The following ROCK1 variants were observed in gnomAD, a reference collection of about 807,000 sequenced individuals.
ROCK1 encodes Rho associated coiled-coil containing protein kinase 1, also known as rho-associated protein kinase 1.
A neutral mutation model predicts 196.8 loss-of-function variants in ROCK1; 36 were observed. That is an observed-to-expected ratio of 0.18 (90% CI 0.14 to 0.24). ROCK1 has a LOEUF of 0.24. ROCK1 is among the 10% of genes least tolerant of loss of function. ROCK1 has a pLI of 1.00. For synonymous variants in ROCK1, 443 were observed against 515.9 expected, an observed-to-expected ratio of 0.86 and a Z score of 1.91; for missense variants, 920 against 1,562.0, an observed-to-expected ratio of 0.59 and a Z score of 6.93.
At chr18:20,996,050 T>G (rs1270910070) in intron 16 of ROCK1, among the ~76,000 whole-genome samples, 1 of 151,912 alleles carries the variant, frequency 6.6e-6, no homozygotes, top group Non-Finnish European at 1.5e-5. Context: ...GAAAACATAA[T>G]CTCACCAAAG....
chr18:21,061,545 G>A (rs146670133), intron 2 of ROCK1, among the ~76,000 whole-genome samples: 4 of 152,328 alleles, frequency 2.6e-5, no homozygotes, highest in African/African-American at 4.8e-5. Context: ...GTATTGGGGT[G>A]TTGCAGACAA....
chr18:20,991,348 C>A, intron 17 of ROCK1, 22 bp from the exon 18 acceptor site: 1 of 1,543,850 alleles, frequency 6.5e-7, no homozygotes, highest in South Asian at 1.2e-5. Context: ...GAGTAGGAGT[C>A]ATGTAATAAA....
chr18:21,026,572 A>G (rs760295953), intron 10 of ROCK1, among the ~76,000 whole-genome samples: 14 of 152,134 alleles, frequency 9.2e-5, no homozygotes, highest in Non-Finnish European at 1.9e-4. Context: ...GGAAAAAAAG[A>G]TAAGTGCCAG....
chr18:21,007,790 T>TA (rs2035781209), intron 14 of ROCK1, among the ~76,000 whole-genome samples: 1 of 152,186 alleles, frequency 6.6e-6, no homozygotes, highest in Non-Finnish European at 1.5e-5. Context: ...CAGTACTCTT[T>TA]AAAGCTTCCC....
intron 1 of ROCK1, among the ~76,000 whole-genome samples, chr18:21,096,057 G>A (rs2036610090): frequency 6.6e-6 from 1 of 151,902 alleles, no homozygotes; most frequent in African/African-American, 2.4e-5. Context: ...TGTTGTAGGT[G>A]ATGGATACTC....
intron 29 of ROCK1, among the ~76,000 whole-genome samples, chr18:20,957,276 A>G (rs1423466093): frequency 6.6e-6 from 1 of 152,268 alleles, no homozygotes; most frequent in African/African-American, 2.4e-5. Flanking sequence ...AAAAATGGAT[A>G]AACAAATTCA....
At chr18:21,027,414 G>A (rs1036182946) in intron 10 of ROCK1, among the ~76,000 whole-genome samples, 1 of 152,178 alleles carries the variant, frequency 6.6e-6, no homozygotes, top group Admixed American at 6.6e-5. Flanking sequence ...TGGAATGAAT[G>A]AATGCTCAGC....
chr18:21,098,329 T>G (rs1473841742), intron 1 of ROCK1, among the ~76,000 whole-genome samples: 1 of 152,064 alleles, frequency 6.6e-6, no homozygotes, highest in Non-Finnish European at 1.5e-5. Flanking sequence ...CCAACAAACA[T>G]AGGCATTTTT....
In ROCK1 at chr18:21,006,435, T is replaced by C. The variant is rs1425811256; in HGVS notation, c.1801A>G (p.Lys601Glu). 2 of 1,613,750 alleles carry C rather than the reference T, an allele frequency of 1.2e-6. No homozygotes were observed. Among genetic ancestry groups the C allele is most frequent in the South Asian group, 2.2e-5 (2 of 91,078 alleles). Residue 601 changes from lysine to glutamate, a missense_variant, in exon 16 of 33, where the codon AAA (lysine) becomes GAA (glutamate). Around this residue, in one of 6 missense-constraint regions of ROCK1, gnomAD observed 520 missense variants for 657.1 expected, o/e 0.79. Transcript: ENST00000399799. ...ATAGCTTGCAGCTGGTAATAATCTT[T>C]GTCTGTTTGTGACTTAGAATTCTCT... Reference protein sequence around the residue: ...ILENSKSQTDKDYYQLQAILE... With the variant: ...ILENSKSQTDEDYYQLQAILE...
At position 20,995,498 on chromosome 18, in the gene ROCK1, A is replaced by T. The variant is rs115755993; in HGVS notation, c.1886-2561T>A. 9.3e-3 allele frequency among the ~76,000 whole-genome samples: 1,419 copies of T among 152,254 alleles called. 17 individuals carry two copies. The highest frequency in any genetic ancestry group is 0.033 in the African/African-American group (1,365 of 41,550). On this transcript the variant is annotated intron_variant, in intron 16 of 32. Coordinates refer to ENST00000399799, the MANE Select transcript of ROCK1 (RefSeq NM_005406.3). ...CCAAGCAGGCTCTTGGGGGTCCCCA[A>T]TTCCAGGTCCTGGTTCTTGGATGGC...
chr18:21,077,255 G>A (rs1257128852), intron 1 of ROCK1, among the ~76,000 whole-genome samples: 2 of 151,692 alleles, frequency 1.3e-5, no homozygotes, highest in Non-Finnish European at 1.5e-5. Flanking sequence ...TTACAGGCGT[G>A]AGCCACCGCG....
At chr18:21,085,753 A>C (rs1332741095) in intron 1 of ROCK1, among the ~76,000 whole-genome samples, 1 of 152,234 alleles carries the variant, frequency 6.6e-6, no homozygotes, top group Non-Finnish European at 1.5e-5. Flanking sequence ...GATCTTGAGC[A>C]AGTTATTTAA....
intron 1 of ROCK1, among the ~76,000 whole-genome samples, chr18:21,109,833 T>A (rs942957454): frequency 2.8e-4 from 43 of 152,340 alleles, no homozygotes; most frequent in African/African-American, 9.4e-4. Context: ...ATTATTTTGT[T>A]TCCTTAATCT....
rs1284804896 is a variant in ROCK1, at chr18:20,949,542, C to G, written c.*1842G>C. 8 of 152,198 alleles carry G rather than the reference C, an allele frequency of 5.3e-5. No individual in the cohort carries two copies. Among genetic ancestry groups the G allele is most frequent in the African/African-American group, 1.7e-4 (7 of 41,446 alleles). 9.4% of individuals were successfully genotyped at this position (152,198 alleles called of 1,614,324 possible). A position where few individuals can be genotyped will look rare whatever the true frequency, so the allele number is the denominator to read the frequency against. ...ACAGTAAAAGAACCCGACATCCTCA[C>G]AAGGGAGAACTCTATCTTCCAAGGC... On this transcript the variant is annotated 3_prime_UTR_variant, in exon 33 of 33. Transcript: ENST00000399799.
At chr18:21,029,696 A>C (rs146883680) in intron 9 of ROCK1, among the ~76,000 whole-genome samples, 49 of 152,324 alleles carry the variant, frequency 3.2e-4, no homozygotes, top group African/African-American at 1.2e-3. Context: ...CGTATGTGAC[A>C]ACGTTTAAAT....
intron 10 of ROCK1, among the ~76,000 whole-genome samples, chr18:21,028,561 T>C (rs1425215607): frequency 6.6e-6 from 1 of 152,150 alleles, no homozygotes; most frequent in South Asian, 2.1e-4. Context: ...ATATAGTATA[T>C]CATTTAGCAA....
intron 16 of ROCK1, among the ~76,000 whole-genome samples, chr18:21,003,399 A>G (rs1568380753): frequency 2.0e-5 from 3 of 152,196 alleles, no homozygotes; most frequent in Non-Finnish European, 2.9e-5. Flanking sequence ...ATAAGAACAA[A>G]TTATGAGACT....
chr18:20,968,204 G>A (rs1358808230), intron 25 of ROCK1, among the ~76,000 whole-genome samples: 1 of 152,142 alleles, frequency 6.6e-6, no homozygotes. Context: ...CTACTCTGAT[G>A]TTGGGTACTA....
chr18:20,971,665 AAAATAAATAAATAAATAAATAAATAAAT>A (rs56208525), intron 22 of ROCK1, among the ~76,000 whole-genome samples: 3,156 of 137,784 alleles, frequency 0.023, 124 homozygotes, highest in African/African-American at 0.079. Flanking sequence ...CTCCGTCTCA[AAAATAAATAAATAAATAAATAAATAAAT>A]AAATAAATAA....
Sources: allele counts gnomAD v4.1 joint callset (sites outside exome capture counted in the v4.1 genomes callset), GRCh38; gene constraint gnomAD v4.1.1; regional missense constraint gnomAD v4.1.1; transcripts MANE v1.5; gene names NCBI Gene and HGNC (gene_info 2026-07-23, HGNC 2026-07-21).